The following BBS9 variants were observed in gnomAD, a reference collection of about 807,000 sequenced individuals.
BBS9 encodes Bardet-Biedl syndrome 9, also known as protein PTHB1.
A neutral mutation model predicts 117.7 loss-of-function variants in BBS9; 89 were observed. That is an observed-to-expected ratio of 0.76 (90% confidence interval 0.64 to 0.90). The LOEUF (loss-of-function observed/expected upper bound fraction) is 0.90. BBS9 is among the 40% of genes least tolerant of loss of function. The pLI is 0.00. For synonymous variants in BBS9, 379 were observed against 370.9 expected, an observed-to-expected ratio of 1.02 and a Z score of -0.25; for missense variants, 982 against 1,042.2, an observed-to-expected ratio of 0.94 and a Z score of 0.80.
intron 5 of BBS9, 72 bp downstream of exon 5, chr7:33,177,663 G>A: frequency 9.1e-7 from 1 of 1,101,410 alleles, no homozygotes; most frequent in African/African-American, 1.5e-5. Flanking sequence ...ATAAAACAGA[G>A]GATTAAGTGG....
intron 21 of BBS9, among the ~76,000 whole-genome samples, chr7:33,634,851 G>A (rs74415586): frequency 0.025 from 3,815 of 152,264 alleles, 70 homozygotes; most frequent in Middle Eastern, 0.041. Context: ...GCTAAATGAC[G>A]ACATCAAGAA....
intron 9 of BBS9, among the ~76,000 whole-genome samples, chr7:33,311,783 C>G (rs968744270): frequency 4.0e-5 from 6 of 151,456 alleles, no homozygotes; most frequent in African/African-American, 1.5e-4. Context: ...CACCACTGCA[C>G]TCCAGCCTGG....
intron 7 of BBS9, among the ~76,000 whole-genome samples, chr7:33,271,012 T>C (rs1799700685): frequency 6.6e-6 from 1 of 152,214 alleles, no homozygotes; most frequent in Non-Finnish European, 1.5e-5. Context: ...ATAGCGGACC[T>C]TTCGGCAGAA....
chr7:33,445,405 C>A (rs574475315), intron 19 of BBS9, among the ~76,000 whole-genome samples: 14 of 152,230 alleles, frequency 9.2e-5, no homozygotes, highest in African/African-American at 3.1e-4. Context: ...TGAAGTTTTG[C>A]AGGAACACAT....
intron 4 of BBS9, among the ~76,000 whole-genome samples, chr7:33,172,661 A>G (rs1023946908): frequency 2.0e-5 from 3 of 152,230 alleles, no homozygotes; most frequent in Admixed American, 6.5e-5. Context: ...CCTTTTCCCT[A>G]TTTGGTCTAT....
At chr7:33,331,696 C>T (rs575465981) in intron 9 of BBS9, among the ~76,000 whole-genome samples, 2 of 150,206 alleles carry the variant, frequency 1.3e-5, no homozygotes, top group South Asian at 2.1e-4. Context: ...CACACAACTC[C>T]CCCCAAAAAA....
intron 21 of BBS9, among the ~76,000 whole-genome samples, chr7:33,601,644 C>T (rs924311798): frequency 3.3e-5 from 5 of 152,050 alleles, no homozygotes; most frequent in South Asian, 2.1e-4. Flanking sequence ...GATTCCTGTT[C>T]GGCTGGTGTG....
At chr7:33,219,164 C>G (rs1789681962) in intron 5 of BBS9, among the ~76,000 whole-genome samples, 1 of 152,220 alleles carries the variant, frequency 6.6e-6, no homozygotes, top group African/African-American at 2.4e-5. Flanking sequence ...CAGTGCCAGA[C>G]CACTGGCGCT....
At chr7:33,492,524 A>T (rs889269667) in intron 19 of BBS9, among the ~76,000 whole-genome samples, 1 of 152,184 alleles carries the variant, frequency 6.6e-6, no homozygotes, top group Non-Finnish European at 1.5e-5. Context: ...TTTAGAGTTC[A>T]TGATTACTGA....
intron 1 of BBS9, among the ~76,000 whole-genome samples, chr7:33,132,412 A>G (rs1789760945): frequency 6.6e-6 from 1 of 152,208 alleles, no homozygotes; most frequent in South Asian, 2.1e-4. Context: ...GCTTTAGTAA[A>G]TGATTAGTAG....
At chr7:33,567,621 G>T (rs1281859855) in intron 21 of BBS9, among the ~76,000 whole-genome samples, 1 of 152,038 alleles carries the variant, frequency 6.6e-6, no homozygotes, top group Admixed American at 6.6e-5. Flanking sequence ...TTTAATTTCT[G>T]TTATTAGTTA....
At chr7:33,325,732 C>A (rs760044597) in intron 9 of BBS9, among the ~76,000 whole-genome samples, 1 of 152,224 alleles carries the variant, frequency 6.6e-6, no homozygotes, top group Non-Finnish European at 1.5e-5. Flanking sequence ...AACACTGTGG[C>A]TCTTACAGTG....
intron 5 of BBS9, among the ~76,000 whole-genome samples, chr7:33,217,148 A>G (rs918954710): frequency 6.6e-6 from 1 of 152,072 alleles, no homozygotes; most frequent in Non-Finnish European, 1.5e-5. Context: ...AGAGCAAGGA[A>G]TATATTTGGT....
At chr7:33,191,699 T>C (rs1170466184) in intron 5 of BBS9, among the ~76,000 whole-genome samples, 1 of 152,220 alleles carries the variant, frequency 6.6e-6, no homozygotes, top group African/African-American at 2.4e-5. Context: ...TGAGGATTTG[T>C]TGTAATTGAA....
At chr7:33,433,676 T>C (rs1834865387) in intron 19 of BBS9, among the ~76,000 whole-genome samples, 1 of 152,208 alleles carries the variant, frequency 6.6e-6, no homozygotes, top group Non-Finnish European at 1.5e-5. Context: ...TTGTTTCACA[T>C]TCATAGAAGA....
intron 1 of BBS9, among the ~76,000 whole-genome samples, chr7:33,134,621 C>G (rs1480595129): frequency 6.6e-6 from 1 of 151,958 alleles, no homozygotes; most frequent in Non-Finnish European, 1.5e-5. Context: ...GAGATAGAGT[C>G]TCACTCTGCT....
At chr7:33,541,370 A>G (rs1432167430) in intron 21 of BBS9, among the ~76,000 whole-genome samples, 2 of 152,126 alleles carry the variant, frequency 1.3e-5, no homozygotes, top group Non-Finnish European at 2.9e-5. Flanking sequence ...TTCATGGCCC[A>G]CACTGCTATT....
chr7:33,460,771 G>A (rs971504226), intron 19 of BBS9, among the ~76,000 whole-genome samples: 7 of 151,876 alleles, frequency 4.6e-5, no homozygotes, highest in African/African-American at 9.7e-5. Context: ...ATTTTAAAGC[G>A]AAGAATTCAT....
chr7:33,189,888 A>C (rs1279253594), intron 5 of BBS9, among the ~76,000 whole-genome samples: 7 of 150,564 alleles, frequency 4.6e-5, no homozygotes, highest in Admixed American at 2.6e-4. Flanking sequence ...TGTCTTAAAA[A>C]AAAAAAAAAA....
Sources: allele counts gnomAD v4.1 joint callset (sites outside exome capture counted in the v4.1 genomes callset), GRCh38; gene constraint gnomAD v4.1.1; transcripts MANE v1.5; gene names NCBI Gene and HGNC (gene_info 2026-07-23, HGNC 2026-07-21).